The following OR2C1 variants were observed in gnomAD, a reference collection of about 807,000 sequenced individuals.
OR2C1 encodes olfactory receptor family 2 subfamily C member 1.
For synonymous variants in OR2C1, 209 were observed against 167.3 expected, an observed-to-expected ratio of 1.25 and a Z score of -1.92; for missense variants, 468 against 388.3, an observed-to-expected ratio of 1.21 and a Z score of -1.73.
the OR2C1 span, among the ~76,000 whole-genome samples, chr16:3,328,723 A>T: frequency 6.6e-6 from 1 of 152,196 alleles, no homozygotes; most frequent in Non-Finnish European, 1.5e-5. Context: ...AATCAGAAGC[A>T]TACCACGTTA....
upstream of OR2C1, among the ~76,000 whole-genome samples, chr16:3,352,474 A>G (rs573731043): frequency 3.9e-5 from 6 of 152,286 alleles, no homozygotes; most frequent in Non-Finnish European, 8.8e-5. Flanking sequence ...ATGTTTTTAA[A>G]CTTATGAGTT....
the OR2C1 span, among the ~76,000 whole-genome samples, chr16:3,349,300 A>G: frequency 1.3e-5 from 2 of 152,118 alleles, no homozygotes; most frequent in Non-Finnish European, 2.9e-5. Context: ...TTCTTCAGGG[A>G]CAGCTTTTTC....
At chr16:3,336,278 T>C in the OR2C1 span, among the ~76,000 whole-genome samples, 2 of 152,252 alleles carry the variant, frequency 1.3e-5, no homozygotes, top group South Asian at 2.1e-4. Flanking sequence ...ATCTTTTTAA[T>C]GTGTTACTGA....
chr16:3,357,150 T>C lies in OR2C1; in HGVS notation c.*271T>C. The C allele has an allele frequency of 2.6e-6, 1 of 381,266 alleles. No individual in the cohort carries two copies. The allele number at this position is 381,266 out of a possible 1,614,324, so 23.6% of individuals were successfully genotyped here. ...AGAGGTTATTGACCTGTGACAGACCTGTCTCACTGTCTCTGTCTCTGTTGC... is the reference window on the plus strand; with the variant it reads ...AGAGGTTATTGACCTGTGACAGACCCGTCTCACTGTCTCTGTCTCTGTTGC... On this transcript the variant is annotated 3_prime_UTR_variant, in exon 1 of 1. Coordinates refer to ENST00000304936, the MANE Select transcript of OR2C1 (RefSeq NM_012368.3).
chr16:3,344,805 G>C, the OR2C1 span, among the ~76,000 whole-genome samples: 1 of 152,118 alleles, frequency 6.6e-6, no homozygotes, highest in Non-Finnish European at 1.5e-5. Flanking sequence ...TATAGCTGGT[G>C]GGAATTGTAG....
the OR2C1 span, among the ~76,000 whole-genome samples, chr16:3,333,220 T>TTTTTG: frequency 1.5e-5 from 1 of 66,450 alleles, no homozygotes; most frequent in African/African-American, 5.7e-5. Context: ...CATTTTTTTT[T>TTTTTG]TTTTTTTTTT....
chr16:3,333,190 G>T, the OR2C1 span, among the ~76,000 whole-genome samples: 1 of 55,012 alleles, frequency 1.8e-5, no homozygotes, highest in African/African-American at 5.8e-5. Flanking sequence ...TTTGAGAAAT[G>T]TGTATTCGGA....
At chr16:3,351,220 C>CTTTTTTTTTTTTTTTTTTTTTT (rs779814781), upstream of OR2C1, among the ~76,000 whole-genome samples, 2 of 18,654 alleles carry the variant, frequency 1.1e-4, no homozygotes, top group African/African-American at 4.2e-4. Flanking sequence ...TTTTCTTTTT[C>CTTTTTTTTTTTTTTTTTTTTTT]TTTTTCTTTT....
the OR2C1 span, among the ~76,000 whole-genome samples, chr16:3,342,045 A>G: frequency 9.8e-5 from 15 of 152,290 alleles, no homozygotes; most frequent in Admixed American, 7.2e-4. Flanking sequence ...AATATACCAG[A>G]TGTCCTTTTA....
At chr16:3,344,727 C>CA in the OR2C1 span, among the ~76,000 whole-genome samples, 1 of 151,174 alleles carries the variant, frequency 6.6e-6, no homozygotes, top group African/African-American at 2.4e-5. Flanking sequence ...GACTCTGTCT[C>CA]AAAAAAAAAA....
chr16:3,339,176 C>T, the OR2C1 span, among the ~76,000 whole-genome samples: 2 of 152,056 alleles, frequency 1.3e-5, no homozygotes, highest in Non-Finnish European at 2.9e-5. Flanking sequence ...TACATTGTAG[C>T]ATATATCAGT....
At chr16:3,347,967 A>G in the OR2C1 span, among the ~76,000 whole-genome samples, 10 of 152,168 alleles carry the variant, frequency 6.6e-5, no homozygotes, top group East Asian at 1.9e-3. Flanking sequence ...TTAAATGGAT[A>G]AATAGATTAT....
the OR2C1 span, among the ~76,000 whole-genome samples, chr16:3,334,057 T>C: frequency 2.6e-5 from 4 of 151,898 alleles, no homozygotes; most frequent in African/African-American, 9.7e-5. Flanking sequence ...ACTGCAACCT[T>C]CTCCTCCTGG....
At position 3,356,975 on chromosome 16, in the gene OR2C1, G is replaced by A. The variant is rs1162835529; in HGVS notation, c.*96G>A. The A allele has an allele frequency of 1.8e-6, 2 of 1,089,304 alleles. No homozygotes were observed. The highest frequency in any genetic ancestry group is 2.6e-6 in the Non-Finnish European group (2 of 767,602). 67.5% of individuals were successfully genotyped at this position (1,089,304 alleles called of 1,614,324 possible). On this transcript the variant is annotated 3_prime_UTR_variant, in exon 1 of 1. Coordinates refer to ENST00000304936, the MANE Select transcript of OR2C1 (RefSeq NM_012368.3). The stretch of plus-strand genomic sequence containing the variant: ...GTGAACATGAGGAATACTAATTCCG[G>A]TAAAACCAAGGCATGTTCCTGACAG...
At chr16:3,335,354 T>C in the OR2C1 span, among the ~76,000 whole-genome samples, 1 of 152,182 alleles carries the variant, frequency 6.6e-6, no homozygotes, top group South Asian at 2.1e-4. Flanking sequence ...CTCTTCAGTG[T>C]CTTTCACCAG....
chr16:3,345,911 G>C, the OR2C1 span, among the ~76,000 whole-genome samples: 1 of 127,656 alleles, frequency 7.8e-6, no homozygotes, highest in Non-Finnish European at 1.6e-5. Context: ...ATGGCTCACT[G>C]TAGCCTCGAG....
At chr16:3,351,540 T>A (rs978161882), upstream of OR2C1, among the ~76,000 whole-genome samples, 1 of 152,174 alleles carries the variant, frequency 6.6e-6, no homozygotes, top group Non-Finnish European at 1.5e-5. Flanking sequence ...CCTAAGCAAG[T>A]CTCCCGTCTT....
the OR2C1 span, among the ~76,000 whole-genome samples, chr16:3,344,283 AAAGT>A: frequency 1.3e-5 from 2 of 152,158 alleles, no homozygotes; most frequent in Admixed American, 6.6e-5. Flanking sequence ...AATGAAGAGA[AAAGT>A]AAGCAGAGGA....
At position 3,357,169 on chromosome 16, in the gene OR2C1, C is replaced by G. The variant is rs1014407478; in HGVS notation, c.*290C>G. On this transcript the variant is annotated 3_prime_UTR_variant, in exon 1 of 1. Coordinates refer to ENST00000304936, the MANE Select transcript of OR2C1 (RefSeq NM_012368.3). ...CAGACCTGTCTCACTGTCTCTGTCT[C>G]TGTTGCCCACATGTTATTTAATATG... 1.1e-4 allele frequency: 37 copies of G among 341,360 alleles called. No individual in the cohort carries two copies. Among genetic ancestry groups the G allele is most frequent in the African/African-American group, 7.1e-4 (34 of 47,794 alleles). 21.1% of individuals were successfully genotyped at this position (341,360 alleles called of 1,614,324 possible).
Sources: allele counts gnomAD v4.1 joint callset (sites outside exome capture counted in the v4.1 genomes callset), GRCh38; gene constraint gnomAD v4.1.1; transcripts MANE v1.5; gene names NCBI Gene and HGNC (gene_info 2026-07-23, HGNC 2026-07-21).